Variants in COL26A1 observed in about 807,000 individuals in gnomAD.
COL26A1 encodes collagen type XXVI alpha 1 chain.
In COL26A1, 41 loss-of-function variants were observed where a neutral mutation model predicts 59.3. That is an observed-to-expected ratio of 0.69 (90% CI 0.54 to 0.90). The LOEUF (loss-of-function observed/expected upper bound fraction) is 0.90. COL26A1 is among the 40% of genes least tolerant of loss of function. COL26A1 has a pLI of 0.00. For synonymous variants in COL26A1, 266 were observed against 256.0 expected, an observed-to-expected ratio of 1.04 and a Z score of -0.37; for missense variants, 612 against 602.3, an observed-to-expected ratio of 1.02 and a Z score of -0.17.
At chr7:101,515,846 C>T (rs1206920547) in intron 3 of COL26A1, among the ~76,000 whole-genome samples, 1 of 152,172 alleles carries the variant, frequency 6.6e-6, no homozygotes, top group Non-Finnish European at 1.5e-5. Flanking sequence ...ACTTCAGCCT[C>T]CCAAAGTGCT....
intron 3 of COL26A1, among the ~76,000 whole-genome samples, chr7:101,474,059 A>C (rs1793976888): frequency 6.6e-6 from 1 of 152,168 alleles, no homozygotes; most frequent in Non-Finnish European, 1.5e-5. Flanking sequence ...TGTGAAAAGC[A>C]TGTACGGCTG....
At chr7:101,465,034 C>CTTTTTTTTTTTTTTTTTTT (rs112899121) in intron 3 of COL26A1, among the ~76,000 whole-genome samples, 1 of 130,064 alleles carries the variant, frequency 7.7e-6, no homozygotes, top group Non-Finnish European at 1.6e-5. Context: ...TTCTTTCTTT[C>CTTTTTTTTTTTTTTTTTTT]TTTTTTTTTT....
intron 1 of COL26A1, among the ~76,000 whole-genome samples, chr7:101,415,456 A>G (rs570739726): frequency 1.0e-3 from 158 of 151,798 alleles, no homozygotes; most frequent in African/African-American, 3.6e-3. Context: ...GCCCAGCCTC[A>G]TCATAACCTT....
chr7:101,502,766 C>A (rs7800182), intron 3 of COL26A1, among the ~76,000 whole-genome samples: 29,460 of 152,204 alleles, frequency 0.19, 6,394 homozygotes, highest in African/African-American at 0.53. Flanking sequence ...GGTCTAGGGA[C>A]GCATGCCCCC....
chr7:101,451,162 G>GAT (rs1433211893), intron 3 of COL26A1, among the ~76,000 whole-genome samples: 1 of 139,268 alleles, frequency 7.2e-6, no homozygotes, highest in African/African-American at 2.6e-5. Context: ...TAGTCATTGA[G>GAT]ATATATATGT....
At chr7:101,555,065 A>G (rs1795942283) in intron 11 of COL26A1, among the ~76,000 whole-genome samples, 1 of 151,474 alleles carries the variant, frequency 6.6e-6, no homozygotes, top group African/African-American at 2.5e-5. Context: ...GCCAACTCCC[A>G]GGGCTGGGCA....
intron 1 of COL26A1, among the ~76,000 whole-genome samples, chr7:101,409,045 G>A (rs866927656): frequency 5.9e-5 from 9 of 152,212 alleles, no homozygotes; most frequent in African/African-American, 1.9e-4. Flanking sequence ...CTGTGCCTCA[G>A]TTTCCTTCTC....
At chr7:101,552,082 T>A (rs1795874688) in intron 10 of COL26A1, among the ~76,000 whole-genome samples, 2 of 152,250 alleles carry the variant, frequency 1.3e-5, no homozygotes, top group South Asian at 4.1e-4. Context: ...TCCCAAGCCA[T>A]GCCTCCTCCC....
At chr7:101,477,793 C>A (rs1420376902) in intron 3 of COL26A1, among the ~76,000 whole-genome samples, 1 of 152,134 alleles carries the variant, frequency 6.6e-6, no homozygotes, top group African/African-American at 2.4e-5. Context: ...TGTCCAAGTA[C>A]TTGGTATGTT....
chr7:101,415,451 G>A (rs1792351517), intron 1 of COL26A1, among the ~76,000 whole-genome samples: 1 of 151,650 alleles, frequency 6.6e-6, no homozygotes, highest in Admixed American at 6.6e-5. Flanking sequence ...ACTGTGCCCA[G>A]CCTCATCATA....
chr7:101,551,238 T>TTGGGGGGGGGGCC, intron 10 of COL26A1, 95 bp downstream of exon 10: 13 of 491,348 alleles, frequency 2.6e-5, no homozygotes, highest in East Asian at 5.2e-5. Flanking sequence ...GGTGGGGGGG[T>TTGGGGGGGGGGCC]TCAGCCCTGG....
intron 1 of COL26A1, among the ~76,000 whole-genome samples, chr7:101,391,303 A>G (rs1385224168): frequency 3.3e-5 from 5 of 151,856 alleles, no homozygotes; most frequent in Non-Finnish European, 7.4e-5. Context: ...CCTGGCCGGG[A>G]TTCTATTTTT....
chr7:101,376,324 TATC>T (rs1186812740), intron 1 of COL26A1, among the ~76,000 whole-genome samples: 1 of 151,830 alleles, frequency 6.6e-6, no homozygotes, highest in East Asian at 1.9e-4. Flanking sequence ...GTCTCAAAAA[TATC>T]CTCCCCAAAA....
chr7:101,533,083 A>C lies in COL26A1; in HGVS notation c.387A>C (p.Glu129Asp), dbSNP rs745625637. Reference sequence around the variant, plus strand: ...ATATAAGTTCCTCTTCTCTTTCAGAATGCATGAACTGCACCCGGCTCAGTG... The same window carrying C: ...ATATAAGTTCCTCTTCTCTTTCAGACTGCATGAACTGCACCCGGCTCAGTG... Reference protein sequence around the residue: ...PGFTGSNCDEECMNCTRLSDM... With the variant: ...PGFTGSNCDEDCMNCTRLSDM... The change falls in exon 4 of 13, where the codon GAA becomes GAC. Residue 129 changes from glutamate (E) to aspartate (D), a missense_variant and splice_region_variant. Physicochemically the swap from Glu to Asp is conservative, Grantham distance 45. Coordinates refer to ENST00000313669, the MANE Select transcript of COL26A1 (RefSeq NM_001278563.3). The C allele has an allele frequency of 3.7e-6, 6 of 1,605,304 alleles. No homozygotes were observed. The highest frequency in any genetic ancestry group is 2.2e-5 in the South Asian group (2 of 89,358).
At chr7:101,548,050 G>A (rs894036618) in intron 8 of COL26A1, among the ~76,000 whole-genome samples, 9 of 152,098 alleles carry the variant, frequency 5.9e-5, no homozygotes, top group Non-Finnish European at 1.3e-4. Flanking sequence ...GGGGCGTGGC[G>A]GGGAGGCGCC....
At chr7:101,362,629 C>T (rs1341109646), upstream of COL26A1, among the ~76,000 whole-genome samples, 1 of 152,180 alleles carries the variant, frequency 6.6e-6, no homozygotes, top group African/African-American at 2.4e-5. Context: ...CGAAAGCATT[C>T]GCGGACCCGA....
intron 3 of COL26A1, 79 bp downstream of exon 3, chr7:101,447,866 G>A: frequency 2.4e-6 from 2 of 841,504 alleles, no homozygotes; most frequent in Non-Finnish European, 4.0e-6. Flanking sequence ...GCCTCCTCCT[G>A]CAAGCAGCTT....
intron 12 of COL26A1, among the ~76,000 whole-genome samples, chr7:101,556,854 TG>T (rs1477996482): frequency 6.7e-6 from 1 of 149,700 alleles, no homozygotes; most frequent in Non-Finnish European, 1.5e-5. Context: ...GGTAAATGAG[TG>T]AATGAATGGA....
intron 11 of COL26A1, among the ~76,000 whole-genome samples, chr7:101,554,321 G>T (rs1375582801): frequency 6.6e-6 from 1 of 152,142 alleles, no homozygotes; most frequent in Non-Finnish European, 1.5e-5. Flanking sequence ...CAAGACCAGA[G>T]AAAGGGAAGA....
Sources: allele counts gnomAD v4.1 joint callset (sites outside exome capture counted in the v4.1 genomes callset), GRCh38; gene constraint gnomAD v4.1.1; transcripts MANE v1.5; gene names NCBI Gene and HGNC (gene_info 2026-07-23, HGNC 2026-07-21).